The following AJAP1 variants were observed in gnomAD, a reference collection of about 807,000 sequenced individuals.
AJAP1 encodes adherens junction-associated protein 1.
Under a neutral mutation model 35.0 loss-of-function variants are expected in AJAP1, and 5 were observed. The ratio of observed to expected loss-of-function variants is 0.14; its 90% CI spans 0.07 to 0.30. AJAP1 has a LOEUF of 0.30. Among genes scored for constraint, AJAP1 ranks in the 10% least tolerant of loss-of-function variants. AJAP1 has a pLI of 1.00. For missense variants in AJAP1, 586 were observed against 571.0 expected (o/e 1.03, Z -0.27); for synonymous variants, 284 against 249.3 (o/e 1.14, Z -1.31).
chr1:4,738,098 A>G (rs888478958), intron 2 of AJAP1, among the ~76,000 whole-genome samples: 2 of 152,194 alleles, frequency 1.3e-5, no homozygotes, highest in Non-Finnish European at 2.9e-5. Context: ...TACTCATTCC[A>G]AATGTTACAC....
At chr1:4,726,735 C>A (rs946219358) in intron 2 of AJAP1, among the ~76,000 whole-genome samples, 3 of 152,158 alleles carry the variant, frequency 2.0e-5, no homozygotes, top group African/African-American at 7.2e-5. Context: ...GCCGTGTCTT[C>A]AGCATGTGGG....
At chr1:4,682,276 A>G (rs116823806) in intron 1 of AJAP1, among the ~76,000 whole-genome samples, 1,724 of 152,260 alleles carry the variant, frequency 0.011, 41 homozygotes, top group African/African-American at 0.04. Context: ...GTGCTGTTGT[A>G]GTTGCTAAAA....
intron 1 of AJAP1, among the ~76,000 whole-genome samples, chr1:4,685,044 T>C (rs1345037187): frequency 6.6e-6 from 1 of 152,094 alleles, no homozygotes; most frequent in Non-Finnish European, 1.5e-5. Context: ...TGGAGTTTCC[T>C]CTCCCAGCAG....
At chr1:4,748,490 G>A (rs1393252193) in intron 2 of AJAP1, among the ~76,000 whole-genome samples, 2 of 152,086 alleles carry the variant, frequency 1.3e-5, no homozygotes, top group East Asian at 3.9e-4. Flanking sequence ...TCTCACGCCT[G>A]TAATCCCAGC....
intron 5 of AJAP1, among the ~76,000 whole-genome samples, chr1:4,777,118 C>A (rs1006565764): frequency 2.0e-5 from 3 of 152,352 alleles, no homozygotes; most frequent in Non-Finnish European, 4.4e-5. Flanking sequence ...CTGAATCTTG[C>A]AATTAATGCC....
intron 2 of AJAP1, among the ~76,000 whole-genome samples, chr1:4,733,953 G>T (rs574132509): frequency 6.6e-6 from 1 of 152,146 alleles, no homozygotes; most frequent in African/African-American, 2.4e-5. Flanking sequence ...AGGTGGGGGC[G>T]GGGGGAGCTG....
In AJAP1 at chr1:4,791,410, T is replaced by A. The variant is rs1290387028; in HGVS notation, c.*8925T>A. 6.6e-6 allele frequency: 1 copy of A among 152,256 alleles called. No homozygotes were observed. The highest frequency in any genetic ancestry group is 1.5e-5 in the Non-Finnish European group (1 of 68,050). The allele number at this position is 152,256 out of a possible 1,614,324, so 9.4% of individuals were successfully genotyped here. On this transcript the variant is annotated 3_prime_UTR_variant, in exon 6 of 6. Coordinates refer to ENST00000378191, the MANE Select transcript of AJAP1 (RefSeq NM_018836.4). ...AAACAGAAGGGAAATGTCTGGAACC[T>A]TCCAGTTGTTTAATTCTGTAGAAAC...
chr1:4,752,851 C>G lies in AJAP1; in HGVS notation c.830-17002C>G, dbSNP rs375481854. Among the ~76,000 whole-genome samples the G allele has an allele frequency of 2.0e-5, 3 of 152,236 alleles. No individual in the cohort carries two copies. The East Asian group carries it at 5.8e-4, about 29-fold the overall frequency. On this transcript the variant is annotated intron_variant, in intron 2 of 5. Coordinates refer to ENST00000378191, the MANE Select transcript of AJAP1 (RefSeq NM_018836.4). ...AAGAATTCAAAGCATAAGACAAAGA[C>G]TGGGTCCTCTAGGGAAAAGGAGGCC...
rs1229278511 is a variant in AJAP1 at position 4,783,196 on chromosome 1, TCACA to T, written c.*716_*719del. The T allele has an allele frequency of 5.4e-6, 1 of 185,310 alleles. No homozygotes were observed. Among genetic ancestry groups the T allele is most frequent in the African/African-American group, 2.5e-5 (1 of 39,888 alleles). 11.5% of individuals were successfully genotyped at this position (185,310 alleles called of 1,614,324 possible). On this transcript the variant is annotated 3_prime_UTR_variant, in exon 6 of 6. Transcript: ENST00000378191. ...GTGTTTTCTACTTTGGCAACTCACG[TCACA>T]CACATATTACACACATGTGCGCATT... is the stretch of plus-strand genomic sequence containing the variant.
intron 1 of AJAP1, among the ~76,000 whole-genome samples, chr1:4,710,654 G>A (rs559544759): frequency 6.6e-6 from 1 of 152,320 alleles, no homozygotes; most frequent in South Asian, 2.1e-4. Context: ...ACACCCTCGC[G>A]CCCCCCACCC....
chr1:4,712,584 G>C lies in AJAP1; in HGVS notation c.714G>C (p.Glu238Asp), dbSNP rs1437127514. The change falls in exon 2 of 6, where the codon GAG (glutamate) becomes GAC (aspartate). Residue 238 changes from glutamate to aspartate, a missense_variant. Coordinates refer to ENST00000378191, the MANE Select transcript of AJAP1 (RefSeq NM_018836.4). ...CGCTGCAGACTAAGGGGTTCACCGA[G>C]TCCTTGGATCCCCGGAGAAGGATCC... Reference protein sequence around the residue: ...PMTLQTKGFTESLDPRRRIPG... With the variant: ...PMTLQTKGFTDSLDPRRRIPG... 6.2e-7 allele frequency: 1 copy of C among 1,608,096 alleles called. No homozygotes were observed. The highest frequency in any genetic ancestry group is 2.2e-5 in the East Asian group (1 of 44,650).
At chr1:4,679,852 T>TGTGTGTAG (rs1553154879) in intron 1 of AJAP1, among the ~76,000 whole-genome samples, 188 of 141,076 alleles carry the variant, frequency 1.3e-3, no homozygotes, top group South Asian at 2.7e-3. Context: ...TGTGTGTGTG[T>TGTGTGTAG]AGAGAGAGAT....
intron 1 of AJAP1, among the ~76,000 whole-genome samples, chr1:4,711,565 C>A (rs1557620351): frequency 6.6e-6 from 1 of 152,194 alleles, no homozygotes. Context: ...GTCGAGGCTG[C>A]CCTGAAAGGC....
At chr1:4,767,606 C>T (rs915815390) in intron 2 of AJAP1, among the ~76,000 whole-genome samples, 1 of 151,078 alleles carries the variant, frequency 6.6e-6, no homozygotes, top group African/African-American at 2.4e-5. Flanking sequence ...CCATTATCAT[C>T]ATCACCATCT....
intron 2 of AJAP1, among the ~76,000 whole-genome samples, chr1:4,758,881 G>A (rs1000687226): frequency 3.3e-5 from 5 of 152,192 alleles, no homozygotes; most frequent in African/African-American, 1.2e-4. Flanking sequence ...CCCTCTACCC[G>A]AGATCCCAGG....
chr1:4,700,216 C>T (rs1231565524), intron 1 of AJAP1, among the ~76,000 whole-genome samples: 2 of 152,124 alleles, frequency 1.3e-5, no homozygotes, highest in Admixed American at 1.3e-4. Flanking sequence ...ACCCTTCTTG[C>T]CCACCACCCA....
chr1:4,717,088 C>G (rs886893422), intron 2 of AJAP1, among the ~76,000 whole-genome samples: 2 of 152,184 alleles, frequency 1.3e-5, no homozygotes, highest in African/African-American at 4.8e-5. Context: ...TATGACAGCT[C>G]TCTTGCTGGT....
rs754607108 is a variant in AJAP1, at chr1:4,734,507, T to C, written c.829+21808T>C. Among the ~76,000 whole-genome samples the C allele has an allele frequency of 5.9e-4, 90 of 152,308 alleles. No homozygotes were observed. Among genetic ancestry groups the C allele is most frequent in the Middle Eastern group, 3.4e-3 (1 of 294 alleles). On this transcript the variant is annotated intron_variant, in intron 2 of 5. Transcript: ENST00000378191. The surrounding 1 kb of genome is among the most constrained non-coding windows in gnomAD (Gnocchi z 4.3). ...TTCCAGGGATGGTGTGTTGACAGCC[T>C]GCACTCATCTGACTGTATCTCCTTC...
At chr1:4,706,022 A>C (rs1168085306) in intron 1 of AJAP1, among the ~76,000 whole-genome samples, 1 of 152,092 alleles carries the variant, frequency 6.6e-6, no homozygotes, top group South Asian at 2.1e-4. Flanking sequence ...AATTTTTTGG[A>C]ATGTCTTAAA....
Sources: gnomAD v4.1 joint callset for allele counts (sites outside exome capture counted in the v4.1 genomes callset) on GRCh38, gnomAD v4.1.1 for gene constraint, Gnocchi (gnomAD v3.1) non-coding constraint, MANE v1.5 for transcripts, NCBI Gene and HGNC (gene_info 2026-07-23, HGNC 2026-07-21) for gene names.